The following SCYL2 variants were observed in gnomAD, a reference collection of about 807,000 sequenced individuals.
SCYL2 encodes the protein SCY1-like protein 2.
Under a neutral mutation model 100.4 loss-of-function variants are expected in SCYL2, and 36 were observed. The observed-to-expected ratio is 0.36, with a 90% CI of 0.27 to 0.47. SCYL2 has a LOEUF of 0.47. SCYL2 is among the 20% of genes least tolerant of loss of function. The pLI is 1.00. For missense variants in SCYL2, 902 were observed against 1,083.9 expected, an observed-to-expected ratio of 0.83 and a Z score of 2.36; for synonymous variants, 330 against 359.2, an observed-to-expected ratio of 0.92 and a Z score of 0.92.
At chr12:100,282,319 CTTTTTTTT>C (rs1180915936) in intron 1 of SCYL2, among the ~76,000 whole-genome samples, 2 of 85,598 alleles carry the variant, frequency 2.3e-5, no homozygotes, top group Non-Finnish European at 4.6e-5. Context: ...CACTTTTAGT[CTTTTTTTT>C]TTTTTTTTTT....
At chr12:100,303,779 C>T (rs559795279) in intron 4 of SCYL2, among the ~76,000 whole-genome samples, 11 of 152,328 alleles carry the variant, frequency 7.2e-5, no homozygotes, top group Admixed American at 2.0e-4. Flanking sequence ...TAGCAGAGCT[C>T]GAGTGCTGTG....
rs78436742 is a variant in SCYL2 at position 100,333,320 on chromosome 12, G to A, written c.1762-846G>A. Among the ~76,000 whole-genome samples the A allele has an allele frequency of 2.2e-3, 328 of 152,290 alleles. 1 individual carries two copies. The highest frequency in any genetic ancestry group is 7.7e-3 in the African/African-American group (319 of 41,558). On this transcript the variant is annotated intron_variant, in intron 13 of 17. Coordinates refer to ENST00000360820, the MANE Select transcript of SCYL2 (RefSeq NM_017988.6). ...CAGGCTTAGAATGAATTCTAGCTCT[G>A]CCATATGAGCTCTCTAGCATCTCTG...
chr12:100,331,396 T>C (rs1952206991), intron 13 of SCYL2, among the ~76,000 whole-genome samples: 1 of 152,090 alleles, frequency 6.6e-6, no homozygotes, highest in Non-Finnish European at 1.5e-5. Context: ...TCACTTGAGC[T>C]CAGGAGTTTG....
chr12:100,339,868 C>G lies in SCYL2; in HGVS notation c.*696C>G, dbSNP rs1369063782. The G allele has an allele frequency of 6.6e-6, 1 of 152,424 alleles. No individual in the cohort carries two copies. The highest frequency in any genetic ancestry group is 1.5e-5 in the Non-Finnish European group (1 of 68,000). 9.4% of individuals were successfully genotyped at this position (152,424 alleles called of 1,614,324 possible). On this transcript the variant is annotated 3_prime_UTR_variant, in exon 18 of 18. Coordinates refer to ENST00000360820, the MANE Select transcript of SCYL2 (RefSeq NM_017988.6). The stretch of plus-strand genomic sequence containing the variant: ...CCTCAAATAGTAATGTATTTTTCTG[C>G]ATTCACTTGGATATATTTAGAATCA...
chr12:100,291,149 T>C (rs557615986), intron 2 of SCYL2, among the ~76,000 whole-genome samples: 1 of 152,228 alleles, frequency 6.6e-6, no homozygotes, highest in African/African-American at 2.4e-5. Flanking sequence ...TGTAGTATAC[T>C]TCACGATTAT....
chr12:100,312,312 G>A, intron 5 of SCYL2, 120 bp from the exon 6 acceptor site: 1 of 744,402 alleles, frequency 1.3e-6, no homozygotes, highest in Non-Finnish European at 2.3e-6. Flanking sequence ...TTTTGGGATT[G>A]AAGGCGTGAT....
chr12:100,336,873 A>G (rs1952284314), intron 16 of SCYL2, among the ~76,000 whole-genome samples: 1 of 152,152 alleles, frequency 6.6e-6, no homozygotes, highest in Non-Finnish European at 1.5e-5. Context: ...GTGTAAAGCT[A>G]AGGGACTACT....
At chr12:100,279,433 G>A (rs2096295883) in intron 1 of SCYL2, among the ~76,000 whole-genome samples, 1 of 152,214 alleles carries the variant, frequency 6.6e-6, no homozygotes, top group African/African-American at 2.4e-5. Flanking sequence ...CCTAGGGGTT[G>A]GGGTCTACTG....
rs1244610109 is a variant in SCYL2 at position 100,313,544 on chromosome 12, T to A, written c.969+6T>A. ...ATGCAGATCAAATGACAAAGGTGAG[T>A]ACATGTGGATTTCTGCCTAAGATGG... On this transcript the variant is annotated splice_donor_region_variant and intron_variant, in intron 7 of 17. Transcript: ENST00000360820. 3.5e-6 allele frequency: 5 copies of A among 1,447,672 alleles called. No homozygotes were observed. The highest frequency in any genetic ancestry group is 4.8e-6 in the Non-Finnish European group (5 of 1,038,224). The allele number at this position is 1,447,672 out of a possible 1,614,324, so 89.7% of individuals were successfully genotyped here.
chr12:100,287,755 A>T (rs2096305993), intron 2 of SCYL2, among the ~76,000 whole-genome samples: 1 of 152,210 alleles, frequency 6.6e-6, no homozygotes, highest in South Asian at 2.1e-4. Flanking sequence ...TAAGCAGAAG[A>T]CATACTGGAT....
chr12:100,329,997 T>G (rs1952188746), intron 13 of SCYL2, among the ~76,000 whole-genome samples: 1 of 152,188 alleles, frequency 6.6e-6, no homozygotes, highest in African/African-American at 2.4e-5. Flanking sequence ...TTATAGTCCC[T>G]TGTAATCAAG....
chr12:100,267,979 G>C (rs148330887), intron 1 of SCYL2, among the ~76,000 whole-genome samples, 187 bp downstream of exon 1: 1 of 151,686 alleles, frequency 6.6e-6, no homozygotes, highest in Non-Finnish European at 1.5e-5. Flanking sequence ...CTGCAGTCTT[G>C]TTTTTCTAAA....
chr12:100,277,251 A>C (rs894676536), intron 1 of SCYL2, among the ~76,000 whole-genome samples: 5 of 152,210 alleles, frequency 3.3e-5, no homozygotes, highest in African/African-American at 1.2e-4. Flanking sequence ...TGTCATTTGT[A>C]GAGTGTGTGT....
chr12:100,279,983 A>T (rs1566343217), intron 1 of SCYL2, among the ~76,000 whole-genome samples: 1 of 152,236 alleles, frequency 6.6e-6, no homozygotes. Context: ...CTTGAATGCC[A>T]GTTTGTCCCT....
intron 4 of SCYL2, among the ~76,000 whole-genome samples, chr12:100,309,490 T>C (rs2096339478): frequency 6.6e-6 from 1 of 152,210 alleles, no homozygotes; most frequent in Non-Finnish European, 1.5e-5. Context: ...GTACTTGTTA[T>C]TTTGTGATTG....
chr12:100,316,313 A>T (rs971303876), intron 9 of SCYL2, among the ~76,000 whole-genome samples: 1 of 152,250 alleles, frequency 6.6e-6, no homozygotes, highest in African/African-American at 2.4e-5. Context: ...ATTTAAGAGC[A>T]GTAGAGTCAC....
chr12:100,319,201 A>G (rs1356625438), intron 10 of SCYL2: 3 of 455,718 alleles, frequency 6.6e-6, no homozygotes, highest in Non-Finnish European at 8.8e-6. Flanking sequence ...GGTTGATGTT[A>G]ACATTTTTTT....
At chr12:100,294,200 C>CG (rs912032184) in intron 3 of SCYL2, among the ~76,000 whole-genome samples, 66 of 142,920 alleles carry the variant, frequency 4.6e-4, no homozygotes, top group Admixed American at 9.7e-4. Flanking sequence ...GCTGGCCAGG[C>CG]GGGGGGGTGA....
intron 17 of SCYL2, among the ~76,000 whole-genome samples, chr12:100,337,933 TC>T (rs1166194297): frequency 1.3e-5 from 2 of 152,244 alleles, no homozygotes; most frequent in African/African-American, 4.8e-5. Flanking sequence ...ATTTGTTTTC[TC>T]CTGTGTTCCA....
Sources: gnomAD v4.1 joint callset for allele counts (sites outside exome capture counted in the v4.1 genomes callset) on GRCh38, gnomAD v4.1.1 for gene constraint, MANE v1.5 for transcripts, NCBI Gene and HGNC (gene_info 2026-07-23, HGNC 2026-07-21) for gene names.